KLF3: variants seen among roughly 807,000 people sequenced by gnomAD.
KLF3 encodes the protein KLF transcription factor 3, also known as Krueppel-like factor 3.
A neutral mutation model predicts 32.7 loss-of-function variants in KLF3; 6 were observed. The ratio of observed to expected loss-of-function variants is 0.18; its 90% CI spans 0.10 to 0.36. KLF3 has a LOEUF of 0.36. Ranked by LOEUF, KLF3 falls within the 10% of genes least tolerant of loss-of-function variation. The pLI is 1.00. For synonymous variants in KLF3, 145 were observed against 172.8 expected, an observed-to-expected ratio of 0.84 and a Z score of 1.26; for missense variants, 338 against 449.7, an observed-to-expected ratio of 0.75 and a Z score of 2.25.
Position 38,698,430 on chromosome 4 carries a change from C to G in KLF3, c.*1167C>G, listed in dbSNP as rs937676386. ...TTGGCTGTCATTTGTATTCATGACA[C>G]ATACCATAAAGCATCTGCTAATGCT... is the stretch of plus-strand genomic sequence containing the variant. On this transcript the variant is annotated 3_prime_UTR_variant, in exon 6 of 6. Coordinates refer to ENST00000261438, the MANE Select transcript of KLF3 (RefSeq NM_016531.6). The G allele has an allele frequency of 6.5e-6, 1 of 152,738 alleles. No homozygotes were observed. The allele number at this position is 152,738 out of a possible 1,614,324, so 9.5% of individuals were successfully genotyped here.
At chr4:38,694,037 A>G (rs1028810827) in intron 4 of KLF3, among the ~76,000 whole-genome samples, 2 of 152,210 alleles carry the variant, frequency 1.3e-5, no homozygotes, top group Non-Finnish European at 2.9e-5. Context: ...GGTGACCACA[A>G]CACTACATTG....
At chr4:38,667,593 T>G (rs1451016484) in intron 1 of KLF3, among the ~76,000 whole-genome samples, 1 of 152,258 alleles carries the variant, frequency 6.6e-6, no homozygotes. Flanking sequence ...GGGTCCATCC[T>G]GGCAAAGAAA....
chr4:38,682,922 T>C (rs1722574460), intron 2 of KLF3, among the ~76,000 whole-genome samples: 1 of 152,218 alleles, frequency 6.6e-6, no homozygotes, highest in Admixed American at 6.5e-5. Flanking sequence ...TTTTTTTCTT[T>C]TTCTTTTTTT....
rs1309506340 is a variant in KLF3, at chr4:38,700,161, G to A, written c.*2898G>A. On this transcript the variant is annotated 3_prime_UTR_variant, in exon 6 of 6. Transcript: ENST00000261438. ...GGGCATTAACATTCTAAATTGCTTGGTTTGGAGAATGTGTTAGCAGCATAG... is the reference window on the plus strand; with the variant it reads ...GGGCATTAACATTCTAAATTGCTTGATTTGGAGAATGTGTTAGCAGCATAG... 6.6e-6 allele frequency: 1 copy of A among 152,206 alleles called. No individual in the cohort carries two copies. Among genetic ancestry groups the A allele is most frequent in the Admixed American group, 6.5e-5 (1 of 15,278 alleles). The allele number at this position is 152,206 out of a possible 1,614,324, so 9.4% of individuals were successfully genotyped here.
At chr4:38,665,693 T>C (rs1453572423) in intron 1 of KLF3, among the ~76,000 whole-genome samples, 1 of 152,200 alleles carries the variant, frequency 6.6e-6, no homozygotes, top group Non-Finnish European at 1.5e-5. Context: ...TGGGAAAAAG[T>C]ATGAAGTGGT....
chr4:38,680,593 C>T lies in KLF3; in HGVS notation c.-33C>T, dbSNP rs1722491644. 9 of 1,572,852 alleles carry T rather than the reference C, an allele frequency of 5.7e-6. No individual in the cohort carries two copies. Among genetic ancestry groups the T allele is most frequent in the Middle Eastern group, 1.7e-4 (1 of 5,966 alleles). ...ACCTTGTTTTGTTTTCTAGGCCAAA[C>T]ACCAGAGCACCCTAGAAGGTTTAAC... is the stretch of plus-strand genomic sequence containing the variant. On this transcript the variant is annotated 5_prime_UTR_variant, in exon 2 of 6. Transcript: ENST00000261438.
At chr4:38,680,712 T>C (rs765747220) in intron 2 of KLF3, 30 bp downstream of exon 2, 2 of 1,547,256 alleles carry the variant, frequency 1.3e-6, no homozygotes, top group African/African-American at 1.4e-5. Context: ...ACACCTCGCC[T>C]TATTTTTTCC....
chr4:38,692,084 A>G (rs1477764599), intron 4 of KLF3, among the ~76,000 whole-genome samples: 1 of 152,232 alleles, frequency 6.6e-6, no homozygotes, highest in African/African-American at 2.4e-5. Flanking sequence ...TGTTCTAAAT[A>G]TACAAAACTA....
At chr4:38,679,473 G>A (rs1002452369) in intron 1 of KLF3, among the ~76,000 whole-genome samples, 2 of 152,176 alleles carry the variant, frequency 1.3e-5, no homozygotes, top group Admixed American at 1.3e-4. Flanking sequence ...TCTTTGCCAG[G>A]TGATGGCATC....
intron 1 of KLF3, among the ~76,000 whole-genome samples, chr4:38,679,152 T>C (rs942128742): frequency 6.6e-6 from 1 of 152,234 alleles, no homozygotes; most frequent in African/African-American, 2.4e-5. Flanking sequence ...GCTCATTTCC[T>C]AATGAGGAGA....
chr4:38,689,677 G>A, intron 3 of KLF3, 52 bp from the exon 4 acceptor site: 2 of 1,380,086 alleles, frequency 1.4e-6, no homozygotes, highest in Admixed American at 2.2e-5. Context: ...GCTTTTAAAA[G>A]CTGAAATTGG....
Position 38,688,636 on chromosome 4 carries a change from A to G in KLF3, c.109A>G (p.Ile37Val). 6.2e-7 allele frequency: 1 copy of G among 1,614,006 alleles called. No homozygotes were observed. Among genetic ancestry groups the G allele is most frequent in the Non-Finnish European group, 8.5e-7 (1 of 1,179,864 alleles). The part of the protein sequence containing the change: ...ESMKPNKYGV[I>V]YSTPLPEKFF... The stretch of plus-strand genomic sequence containing the variant: ...CATGAAGCCTAACAAGTATGGGGTC[A>G]TCTACTCCACACCATTGCCTGAGAA... Residue 37 changes from isoleucine to valine, a missense_variant, in exon 3 of 6, where the codon ATC becomes GTC. This residue lies in a region of KLF3 where 272 missense variants were observed against 313.4 expected (regional missense o/e 0.87). Transcript: ENST00000261438. This position sits in a 1 kb window ranked among gnomAD's most constrained non-coding sequence, Gnocchi z 4.9.
rs1221327492 is a variant in KLF3 at position 38,688,511 on chromosome 4, A to G, written c.58-74A>G. On this transcript the variant is annotated intron_variant, in intron 2 of 5. Transcript: ENST00000261438. This position sits in a 1 kb window ranked among gnomAD's most constrained non-coding sequence, Gnocchi z 4.9. ...TAATTGTTAAGTGCCTTGTTAGCAT[A>G]TTTTTCTTAATTCATGTTTCAAGTA... The G allele has an allele frequency of 1.4e-6, 2 of 1,421,460 alleles. No homozygotes were observed. The highest frequency in any genetic ancestry group is 4.6e-5 in the East Asian group (2 of 43,486). 88.1% of individuals were successfully genotyped at this position (1,421,460 alleles called of 1,614,324 possible). A position where few individuals can be genotyped will look rare whatever the true frequency, so the allele number is the denominator to read the frequency against.
At chr4:38,677,603 G>T (rs1199358749) in intron 1 of KLF3, among the ~76,000 whole-genome samples, 12 of 152,176 alleles carry the variant, frequency 7.9e-5, no homozygotes, top group Non-Finnish European at 4.4e-5. Flanking sequence ...TGCTGGCCTC[G>T]CTCAGAAGCT....
intron 2 of KLF3, chr4:38,680,888 T>A (rs1199516568): frequency 4.9e-6 from 2 of 411,842 alleles, no homozygotes; most frequent in African/African-American, 4.1e-5. Context: ...CCGTCTCTAC[T>A]AAAAATACCA....
intron 2 of KLF3, chr4:38,680,998 C>T (rs1443353547): frequency 7.6e-5 from 15 of 196,520 alleles, no homozygotes; most frequent in African/African-American, 1.6e-4. Context: ...TACAGTGAGC[C>T]GAGATAGCAG....
intron 4 of KLF3, among the ~76,000 whole-genome samples, chr4:38,691,028 G>C (rs893611528): frequency 6.6e-6 from 1 of 152,112 alleles, no homozygotes; most frequent in African/African-American, 2.4e-5. Flanking sequence ...CAGCAGGTAG[G>C]GAGAGAGTCT....
At chr4:38,685,142 T>TA (rs531981779) in intron 2 of KLF3, among the ~76,000 whole-genome samples, 204 of 152,340 alleles carry the variant, frequency 1.3e-3, no homozygotes, top group African/African-American at 4.7e-3. Context: ...GGAAGACTGT[T>TA]ACCAGGTTGT....
chr4:38,670,411 A>T (rs145330799), intron 1 of KLF3, among the ~76,000 whole-genome samples: 1 of 152,322 alleles, frequency 6.6e-6, no homozygotes, highest in East Asian at 1.9e-4. Flanking sequence ...TCTGGACATA[A>T]GAGATCAAAT....
Sources: gnomAD v4.1 joint callset for allele counts (sites outside exome capture counted in the v4.1 genomes callset) on GRCh38, gnomAD v4.1.1 for gene constraint, gnomAD v4.1.1 regional missense constraint, Gnocchi (gnomAD v3.1) non-coding constraint, MANE v1.5 for transcripts, NCBI Gene and HGNC (gene_info 2026-07-23, HGNC 2026-07-21) for gene names.